Variants in VSIG4 observed in about 807,000 individuals in gnomAD.
VSIG4 encodes the protein V-set and immunoglobulin domain-containing protein 4.
Under a neutral mutation model 23.4 loss-of-function variants are expected in VSIG4, and 34 were observed. That is an observed-to-expected ratio of 1.45 (90% CI 1.10 to 1.93). VSIG4 has a LOEUF of 1.93. Among genes scored for constraint, VSIG4 ranks in the 30% most tolerant of loss-of-function variants. The probability of loss-of-function intolerance (pLI) is 0.00; values close to 1 mark genes in which losing one functional copy is unlikely to be tolerated. For synonymous variants in VSIG4, 169 were observed against 120.3 expected (o/e 1.41, Z -2.65); for missense variants, 433 against 310.8 (o/e 1.39, Z -2.96).
chrX:66,028,566 T>C (rs938818394), intron 3 of VSIG4, among the ~76,000 whole-genome samples: 2 of 101,164 alleles, frequency 2.0e-5, no homozygotes, highest in African/African-American at 7.0e-5. Flanking sequence ...AACTTTTTTT[T>C]TTTTTTTTTT....
At position 66,028,060 on chromosome X, in the gene VSIG4, G is replaced by A. The variant is rs1338244851; in HGVS notation, c.747C>T (p.Tyr249=). ...TKTEAPTTMT[Y]PLKATSTVKQ... The stretch of plus-strand genomic sequence containing the variant: ...TCTAGCAAAACTCACCTTTCAAGGG[G>A]TATGTCATGGTTGTAGGTGCCTCAG... The change falls in exon 4 of 8, where the codon TAC becomes TAT. Residue 249 remains tyrosine, a synonymous_variant. Transcript: ENST00000374737. The A allele has an allele frequency of 8.3e-7, 1 of 1,210,205 alleles. No homozygotes were observed. Among genetic ancestry groups the A allele is most frequent in the Non-Finnish European group, 1.1e-6 (1 of 894,450 alleles).
chrX:66,023,392 C>T (rs747570545), intron 6 of VSIG4, among the ~76,000 whole-genome samples: 1 of 112,122 alleles, frequency 8.9e-6, no homozygotes, highest in South Asian at 3.7e-4. Context: ...ATATTCCGTA[C>T]AGGCTCAAAG....
At chrX:66,039,880 A>T in intron 1 of VSIG4, 64 bp downstream of exon 1, 1 of 1,180,745 alleles carries the variant, frequency 8.5e-7, no homozygotes, top group Non-Finnish European at 1.1e-6. Flanking sequence ...TAGACATTAA[A>T]CACCAACCCT....
rs2085344530 is a variant in VSIG4, at chrX:66,022,496, G to A, written c.967C>T (p.His323Tyr). ...CCAGAGTCGTTGGCCTCTCTGGCATGTGCCCTATGGCCCAAGAGCCCACCA... is the reference window on the plus strand; with the variant it reads ...CCAGAGTCGTTGGCCTCTCTGGCATATGCCCTATGGCCCAAGAGCCCACCA... ...QEHVYEAARA[H>Y]AREANDSGET... is the part of the protein sequence containing the mutation. The change falls in exon 8 of 8, where the codon CAT becomes TAT. Residue 323 changes from histidine (H) to tyrosine (Y), a missense_variant. By Grantham distance (83) the His-to-Tyr change is moderately conservative (BLOSUM62 2). Coordinates refer to ENST00000374737, the MANE Select transcript of VSIG4 (RefSeq NM_007268.3). 1 of 1,211,140 alleles carries A rather than the reference G, an allele frequency of 8.3e-7. No individual in the cohort carries two copies. The highest frequency in any genetic ancestry group is 1.8e-5 in the South Asian group (1 of 56,930).
Position 66,032,559 on chromosome X carries a change from C to T in VSIG4, c.603G>A (p.Ala201=), listed in dbSNP as rs749607769. The change falls in exon 3 of 8, where the codon GCG becomes GCA. Residue 201 remains alanine (A), a synonymous_variant. Coordinates refer to ENST00000374737, the MANE Select transcript of VSIG4 (RefSeq NM_007268.3). ...ATLSTLLFKP[A]VIADSGSYFC... The stretch of plus-strand genomic sequence containing the variant: ...AATAGGAGCCTGAGTCGGCTATCAC[C>T]GCAGGCTTGAAGAGTAAGGTACTTA... 67 of 1,210,050 alleles carry T rather than the reference C, an allele frequency of 5.5e-5. No homozygotes were observed. The highest frequency in any genetic ancestry group is 1.0e-4 in the African/African-American group (6 of 57,233).
chrX:66,027,437 C>A lies in VSIG4; in HGVS notation c.835+12G>T. ...CAAGAAGAAAAGATAGAAATCCTGACAATATTCCTACCTGGCCCAGCACTG... is the reference window on the plus strand; with the variant it reads ...CAAGAAGAAAAGATAGAAATCCTGAAAATATTCCTACCTGGCCCAGCACTG... On this transcript the variant is annotated intron_variant, in intron 5 of 7. Transcript: ENST00000374737. 1 of 1,193,202 alleles carries A rather than the reference C, an allele frequency of 8.4e-7. No individual in the cohort carries two copies. The highest frequency in any genetic ancestry group is 1.1e-6 in the Non-Finnish European group (1 of 883,388).
chrX:66,022,519 C>T lies in VSIG4; in HGVS notation c.963-19G>A. On this transcript the variant is annotated intron_variant, in intron 7 of 7. Transcript: ENST00000374737. ...ATGTGCCCTATGGCCCAAGAGCCCACCACCCATAAGAAGGGACTTGGGGCT... is the reference window on the plus strand; with the variant it reads ...ATGTGCCCTATGGCCCAAGAGCCCATCACCCATAAGAAGGGACTTGGGGCT... 8.3e-7 allele frequency: 1 copy of T among 1,208,325 alleles called. No homozygotes were observed. The highest frequency in any genetic ancestry group is 1.1e-6 in the Non-Finnish European group (1 of 894,007).
intron 6 of VSIG4, among the ~76,000 whole-genome samples, chrX:66,024,533 C>T (rs753839576): frequency 5.4e-5 from 6 of 111,960 alleles, no homozygotes; most frequent in South Asian, 3.7e-4. Flanking sequence ...AACTTGTTTT[C>T]ATCCTCCAAA....
chrX:66,022,036 C>T lies in VSIG4; in HGVS notation c.*227G>A. ...GGTATTTAGAGAGGAGTACCAGAAGCCCCCGGCAGAGATACTAGAAGGGCC... is the reference window on the plus strand; with the variant it reads ...GGTATTTAGAGAGGAGTACCAGAAGTCCCCGGCAGAGATACTAGAAGGGCC... On this transcript the variant is annotated 3_prime_UTR_variant, in exon 8 of 8. Coordinates refer to ENST00000374737, the MANE Select transcript of VSIG4 (RefSeq NM_007268.3). The T allele has an allele frequency of 8.7e-7, 1 of 1,152,334 alleles. No individual in the cohort carries two copies. 95.0% of individuals were successfully genotyped at this position (1,152,334 alleles called of 1,213,427 possible). A position where few individuals can be genotyped will look rare whatever the true frequency, so the allele number is the denominator to read the frequency against.
At chrX:66,037,588 C>T (rs2085628950) in intron 1 of VSIG4, among the ~76,000 whole-genome samples, 2 of 44,224 alleles carry the variant, frequency 4.5e-5, no homozygotes, top group Admixed American at 3.5e-4. Context: ...TATATTACTT[C>T]CTTTATTATT....
chrX:66,027,450 TG>T lies in VSIG4; in HGVS notation c.833del (p.Pro278GlnfsTer57). The T allele has an allele frequency of 8.3e-7, 1 of 1,200,561 alleles. No individual in the cohort carries two copies. Among genetic ancestry groups the T allele is most frequent in the Admixed American group, 2.2e-5 (1 of 45,149 alleles). Reference sequence around the variant, plus strand: ...TAGAAATCCTGACAATATTCCTACCTGGCCCAGCACTGGTCTCTCCAAGGTA... The same window carrying T: ...TAGAAATCCTGACAATATTCCTACCTGCCCAGCACTGGTCTCTCCAAGGTA... ...DGYLGETSAG[P>X]GKSLPVFAII... On this transcript the variant is annotated frameshift_variant and splice_region_variant, in exon 5 of 8. Transcript: ENST00000374737. LOFTEE classifies it high-confidence loss of function.
Position 66,033,516 on chromosome X carries a change from G to A in VSIG4, c.370C>T (p.Gln124Ter), listed in dbSNP as rs781458006. Residue 124 changes from glutamine to a stop codon, truncating the protein, a stop_gained, in exon 2 of 8, where the codon CAA (glutamine) becomes TAA (stop). Transcript: ENST00000374737. LOFTEE classifies it high-confidence loss of function. The part of the protein sequence containing the change: ...EVTWQTPDGN[Q>*]VVRDKITELR... ...TCAGTAATCTTATCTCTCACGACTT[G>A]GTTGCCATCAGGAGTCTGCCAGGTG... The A allele has an allele frequency of 2.1e-5, 25 of 1,209,115 alleles. No homozygotes were observed. The highest frequency in any genetic ancestry group is 2.8e-5 in the Non-Finnish European group (25 of 894,773).
At chrX:66,036,985 C>CATATAATATAATATATCATATAATATATA (rs2085580043) in intron 1 of VSIG4, among the ~76,000 whole-genome samples, 1 of 12,770 alleles carries the variant, frequency 7.8e-5, no homozygotes, top group Non-Finnish European at 1.1e-4. Context: ...TATAATATAT[C>CATATAATATAATATATCATATAATATATA]ATATAATATA....
intron 1 of VSIG4, among the ~76,000 whole-genome samples, chrX:66,036,769 A>G (rs1438165033): frequency 4.0e-4 from 15 of 37,811 alleles, no homozygotes; most frequent in Non-Finnish European, 6.1e-4. Flanking sequence ...AATATAATAT[A>G]TATTATATTA....
At chrX:66,029,128 C>T (rs1464524488) in intron 3 of VSIG4, among the ~76,000 whole-genome samples, 3 of 111,223 alleles carry the variant, frequency 2.7e-5, no homozygotes, top group Non-Finnish European at 3.8e-5. Context: ...AAACAGCATG[C>T]TCCGTTTTAG....
chrX:66,025,741 G>A (rs919610693), intron 5 of VSIG4, among the ~76,000 whole-genome samples: 1 of 112,213 alleles, frequency 8.9e-6, no homozygotes, highest in Non-Finnish European at 1.9e-5. Context: ...GAACCTGTCA[G>A]TATGTTAGTT....
intron 1 of VSIG4, among the ~76,000 whole-genome samples, chrX:66,037,754 A>T (rs2085633197): frequency 9.9e-6 from 1 of 101,356 alleles, no homozygotes; most frequent in South Asian, 4.2e-4. Context: ...CTTATTACTG[A>T]TACGTATATA....
Position 66,022,153 on chromosome X carries a change from G to A in VSIG4, c.*110C>T. Reference sequence around the variant, plus strand: ...CTCCCAGCGGCTCCAGTGTTGGTAGGCGGACACTTTGGGCTATCCAGGAAG... The same window carrying A: ...CTCCCAGCGGCTCCAGTGTTGGTAGACGGACACTTTGGGCTATCCAGGAAG... On this transcript the variant is annotated 3_prime_UTR_variant, in exon 8 of 8. Transcript: ENST00000374737. 1 of 1,201,934 alleles carries A rather than the reference G, an allele frequency of 8.3e-7. No homozygotes were observed. Among genetic ancestry groups the A allele is most frequent in the Non-Finnish European group, 1.1e-6 (1 of 890,383 alleles).
At position 66,022,115 on chromosome X, in the gene VSIG4, G is replaced by T; in HGVS notation, c.*148C>A. 1 of 1,177,649 alleles carries T rather than the reference G, an allele frequency of 8.5e-7. No individual in the cohort carries two copies. The highest frequency in any genetic ancestry group is 1.1e-6 in the Non-Finnish European group (1 of 877,859). The stretch of plus-strand genomic sequence containing the variant: ...TGAGATGCATCTGGCAAATTCCAGG[G>T]CAAAGCCAGTGACTCCCAGCGGCTC... On this transcript the variant is annotated 3_prime_UTR_variant, in exon 8 of 8. Transcript: ENST00000374737.
Sources: allele counts gnomAD v4.1 joint callset (sites outside exome capture counted in the v4.1 genomes callset), GRCh38; gene constraint gnomAD v4.1.1; transcripts MANE v1.5; gene names NCBI Gene and HGNC (gene_info 2026-07-23, HGNC 2026-07-21).